Variants in PCDHGA1 observed in about 807,000 individuals in gnomAD.
The protein encoded by PCDHGA1 is protocadherin gamma-A1.
Under a neutral mutation model 58.0 loss-of-function variants are expected in PCDHGA1, and 32 were observed. That is an observed-to-expected ratio of 0.55 (90% CI 0.42 to 0.74). The LOEUF (loss-of-function observed/expected upper bound fraction) is 0.74. PCDHGA1 is among the 30% of genes least tolerant of loss of function. The probability of loss-of-function intolerance (pLI) is 0.00; values close to 1 mark genes in which losing one functional copy is unlikely to be tolerated. For synonymous variants in PCDHGA1, 498 were observed against 501.1 expected (o/e 0.99, Z 0.08); for missense variants, 1,205 against 1,182.3 (o/e 1.02, Z -0.28).
At chr5:141,341,820 A>G (rs993076592) in intron 1 of PCDHGA1, 3 of 217,172 alleles carry the variant, frequency 1.4e-5, no homozygotes, top group African/African-American at 6.9e-5. Context: ...TTGAATCTGT[A>G]TATGAACAGT....
intron 1 of PCDHGA1, chr5:141,478,902 GCTGCTGGATAC>G: frequency 1.0e-6 from 1 of 978,788 alleles, no homozygotes. Context: ...TTAGGAATAA[GCTGCTGGATAC>G]CTCTAACCAG....
At chr5:141,415,738 AGGTTTTT>A in intron 1 of PCDHGA1, 2 of 538,082 alleles carry the variant, frequency 3.7e-6, no homozygotes, top group Non-Finnish European at 5.4e-6. Flanking sequence ...ATGTTTATTA[AGGTTTTT>A]TTTTTTTTTT....
At position 141,431,556 on chromosome 5, in the gene PCDHGA1, C is replaced by G. The variant is rs1561853752; in HGVS notation, c.2422-63251C>G. ...GGCACGCAGCTGCTTGTAGTCAACGCTACCGACCCTGACGAAGGAGTCAAT... is the reference window on the plus strand; with the variant it reads ...GGCACGCAGCTGCTTGTAGTCAACGGTACCGACCCTGACGAAGGAGTCAAT... On this transcript the variant is annotated intron_variant, in intron 1 of 3. Transcript: ENST00000517417. The surrounding 1 kb of genome is among the most constrained non-coding windows in gnomAD (Gnocchi z 4.8). 3 of 1,614,138 alleles carry G rather than the reference C, an allele frequency of 1.9e-6. No individual in the cohort carries two copies. The highest frequency in any genetic ancestry group is 2.5e-6 in the Non-Finnish European group (3 of 1,180,022).
rs752472089 is a variant in PCDHGA1, at chr5:141,389,501, G to T, written c.2421+56396G>T. The T allele has an allele frequency of 3.7e-6, 6 of 1,612,948 alleles. No individual in the cohort carries two copies. In the East Asian group the frequency reaches 6.7e-5, roughly 18 times the overall value. On this transcript the variant is annotated intron_variant, in intron 1 of 3. Transcript: ENST00000517417. Reference sequence around the variant, plus strand: ...AGGCCCGCGACCAGGGCTCGCCAGCGCTCAGCGCGAACGTGAGCCTGCGCG... The same window carrying T: ...AGGCCCGCGACCAGGGCTCGCCAGCTCTCAGCGCGAACGTGAGCCTGCGCG...
At chr5:141,365,388 C>G in intron 1 of PCDHGA1, 1 of 1,613,966 alleles carries the variant, frequency 6.2e-7, no homozygotes, top group South Asian at 1.1e-5. Context: ...ACCTCTCTGA[C>G]CAGTTCGATC....
In PCDHGA1 at chr5:141,477,532, C is replaced by T. The variant is rs754570150; in HGVS notation, c.2422-17275C>T. On this transcript the variant is annotated intron_variant, in intron 1 of 3. Transcript: ENST00000517417. This position sits in a 1 kb window ranked among gnomAD's most constrained non-coding sequence, Gnocchi z 4.9. ...TTTACATTGAAGAAAACAACCTCCC[C>T]GGGGCTCCAATACTAAACCTAAGTG... 2.5e-6 allele frequency: 4 copies of T among 1,614,028 alleles called. No individual in the cohort carries two copies. Among genetic ancestry groups the T allele is most frequent in the Admixed American group, 1.7e-5 (1 of 60,000 alleles).
rs374253072 is a variant in PCDHGA1, at chr5:141,476,894, G to A, written c.2422-17913G>A. ...GCGCGTCCTGGAGGATGCACCCTCCGGCACGCGCGTGGTACAAGTCCTTGC... is the reference window on the plus strand; with the variant it reads ...GCGCGTCCTGGAGGATGCACCCTCCAGCACGCGCGTGGTACAAGTCCTTGC... On this transcript the variant is annotated intron_variant, in intron 1 of 3. Transcript: ENST00000517417. The surrounding 1 kb of genome is among the most constrained non-coding windows in gnomAD (Gnocchi z 7.6). 48 of 1,613,834 alleles carry A rather than the reference G, an allele frequency of 3.0e-5. No homozygotes were observed. In the African/African-American group the frequency reaches 5.6e-4, roughly 19 times the overall value.
chr5:141,471,254 T>A (rs1043647138), intron 1 of PCDHGA1: 1 of 151,828 alleles, frequency 6.6e-6, no homozygotes, highest in African/African-American at 2.4e-5. Flanking sequence ...TTTCACCATG[T>A]TGGCAAGGCT....
Position 141,483,506 on chromosome 5 carries a change from T to A in PCDHGA1, c.2422-11301T>A, listed in dbSNP as rs964063329. ...AGGGACAGGGATGAGTCAAGGCTGA[T>A]CCCCCTAGATCCTGACTAAGGAAGC... On this transcript the variant is annotated intron_variant, in intron 1 of 3. Coordinates refer to ENST00000517417, the MANE Select transcript of PCDHGA1 (RefSeq NM_018912.3). Among the ~76,000 whole-genome samples the A allele has an allele frequency of 2.7e-5, 4 of 148,396 alleles. No individual in the cohort carries two copies. In the South Asian group the frequency reaches 8.5e-4, roughly 32 times the overall value.
At chr5:141,465,983 A>G (rs1219092160) in intron 1 of PCDHGA1, among the ~76,000 whole-genome samples, 1 of 151,944 alleles carries the variant, frequency 6.6e-6, no homozygotes, top group East Asian at 1.9e-4. Context: ...TTAGCCGGGC[A>G]TGGTGGCAGG....
intron 1 of PCDHGA1, chr5:141,357,734 T>G: frequency 7.5e-7 from 1 of 1,340,180 alleles, no homozygotes. Context: ...TTTAATATTT[T>G]ATTGCTTTAA....
chr5:141,385,424 C>CT, intron 1 of PCDHGA1: 1 of 1,461,926 alleles, frequency 6.8e-7, no homozygotes, highest in Admixed American at 2.8e-5. Flanking sequence ...ATTTAAAAAA[C>CT]TTTATAGAGG....
intron 1 of PCDHGA1, chr5:141,423,310 G>A (rs1175296469): frequency 1.2e-6 from 2 of 1,614,180 alleles, no homozygotes; most frequent in Admixed American, 1.7e-5. Flanking sequence ...GCTGTACTTG[G>A]TGGTGGCGGT....
chr5:141,432,949 CG>C lies in PCDHGA1; in HGVS notation c.2422-61856del, dbSNP rs930064840. 6.2e-7 allele frequency: 1 copy of C among 1,614,066 alleles called. No individual in the cohort carries two copies. Among genetic ancestry groups the C allele is most frequent in the African/African-American group, 1.3e-5 (1 of 74,930 alleles). ...CACGCCTGCTGCAGGCTTCAGGAGG[CG>C]GCTTGACAGGAGCGCCGGCGTCGCA... On this transcript the variant is annotated intron_variant, in intron 1 of 3. Transcript: ENST00000517417. This position sits in a 1 kb window ranked among gnomAD's most constrained non-coding sequence, Gnocchi z 6.0.
At chr5:141,428,002 T>G in intron 1 of PCDHGA1, 1 of 1,601,328 alleles carries the variant, frequency 6.2e-7, no homozygotes, top group Non-Finnish European at 8.5e-7. Context: ...TCCGCACTCT[T>G]CGATATAGTG....
intron 1 of PCDHGA1, chr5:141,355,265 T>A: frequency 6.2e-7 from 1 of 1,613,204 alleles, no homozygotes; most frequent in Non-Finnish European, 8.5e-7. Context: ...CTCCTGGGGG[T>A]TCTGGTGGAA....
At position 141,337,098 on chromosome 5, in the gene PCDHGA1, G is replaced by A. The variant is rs183554107; in HGVS notation, c.2421+3993G>A. On this transcript the variant is annotated intron_variant, in intron 1 of 3. Coordinates refer to ENST00000517417, the MANE Select transcript of PCDHGA1 (RefSeq NM_018912.3). Reference sequence around the variant, plus strand: ...ATGAGATACTACTCCACATTCATTAGAATTGCTGTCATAAAAGAAAAGAAA... The same window carrying A: ...ATGAGATACTACTCCACATTCATTAAAATTGCTGTCATAAAAGAAAAGAAA... 8.5e-5 allele frequency among the ~76,000 whole-genome samples: 11 copies of A among 129,482 alleles called. No homozygotes were observed. In the East Asian group the frequency reaches 2.2e-3, roughly 25 times the overall value. 84.9% of individuals were successfully genotyped at this position (129,482 alleles called of 152,430 possible). A position where few individuals can be genotyped will look rare whatever the true frequency, so the allele number is the denominator to read the frequency against.
chr5:141,487,675 A>G lies in PCDHGA1; in HGVS notation c.2422-7132A>G, dbSNP rs752606441. ...GTTATTCTGATCCAGGCATATGGCT[A>G]GGCCATGTCCTAGAGAGTACTGGCC... On this transcript the variant is annotated intron_variant, in intron 1 of 3. Transcript: ENST00000517417. This position sits in a 1 kb window ranked among gnomAD's most constrained non-coding sequence, Gnocchi z 5.0. 22 of 1,611,038 alleles carry G rather than the reference A, an allele frequency of 1.4e-5. No individual in the cohort carries two copies. Among genetic ancestry groups the G allele is most frequent in the Non-Finnish European group, 1.7e-5 (20 of 1,178,458 alleles).
chr5:141,350,897 G>T (rs748000231), intron 1 of PCDHGA1: 1 of 1,614,028 alleles, frequency 6.2e-7, no homozygotes, highest in East Asian at 2.2e-5. Flanking sequence ...GACTGCCATG[G>T]ATGGCGGGGA....
Sources: gnomAD v4.1 joint callset for allele counts (sites outside exome capture counted in the v4.1 genomes callset) on GRCh38, gnomAD v4.1.1 for gene constraint, Gnocchi (gnomAD v3.1) non-coding constraint, MANE v1.5 for transcripts, NCBI Gene and HGNC (gene_info 2026-07-23, HGNC 2026-07-21) for gene names.